The following ZFHX3 variants were observed in gnomAD, a reference collection of about 807,000 sequenced individuals.
ZFHX3 encodes zinc finger homeobox protein 3.
In ZFHX3, 42 loss-of-function variants were observed where a neutral mutation model predicts 279.1. The observed-to-expected ratio is 0.15, with a 90% CI of 0.12 to 0.19. ZFHX3 has a LOEUF of 0.19. Among genes scored for constraint, ZFHX3 ranks in the 10% least tolerant of loss-of-function variants. The pLI, the probability that ZFHX3 is intolerant of heterozygous loss-of-function variation, is 1.00. For synonymous variants in ZFHX3, 2,293 were observed against 1,957.8 expected (o/e 1.17, Z -4.52); for missense variants, 4,981 against 4,754.0 (o/e 1.05, Z -1.40).
intron 1 of ZFHX3, among the ~76,000 whole-genome samples, chr16:73,863,833 G>A (rs1439848199): frequency 6.6e-6 from 1 of 152,154 alleles, no homozygotes; most frequent in African/African-American, 2.4e-5. Flanking sequence ...AATGAAACAT[G>A]TTCTAATCCA....
intron 1 of ZFHX3, chr16:73,058,403 G>A (rs1012181828): frequency 4.3e-4 from 76 of 178,206 alleles, no homozygotes; most frequent in African/African-American, 1.7e-3. Context: ...GGGGCAGGAC[G>A]AGCCCCATGC....
intron 1 of ZFHX3, among the ~76,000 whole-genome samples, chr16:73,869,440 A>C (rs1962108332): frequency 6.6e-6 from 1 of 152,212 alleles, no homozygotes; most frequent in Non-Finnish European, 1.5e-5. Flanking sequence ...CTTCAAGCAA[A>C]AGTTACACAG....
intron 9 of ZFHX3, chr16:72,789,165 T>A: frequency 4.0e-6 from 1 of 248,536 alleles, no homozygotes; most frequent in Non-Finnish European, 7.6e-6. Flanking sequence ...GCTCCCATAC[T>A]TCCCCTTTCA....
At chr16:73,794,827 T>A (rs1381562365) in intron 1 of ZFHX3, among the ~76,000 whole-genome samples, 4 of 152,136 alleles carry the variant, frequency 2.6e-5, no homozygotes, top group African/African-American at 9.7e-5. Flanking sequence ...TGATCATACC[T>A]CCCCCATCCA....
At chr16:72,866,432 AT>A (rs944129754) in intron 4 of ZFHX3, among the ~76,000 whole-genome samples, 1 of 152,094 alleles carries the variant, frequency 6.6e-6, no homozygotes, top group Admixed American at 6.5e-5. Flanking sequence ...ACATGTAGAC[AT>A]TTTTTTGTGC....
At chr16:73,337,892 CGGG>C (rs71156156) in intron 3 of ZFHX3, among the ~76,000 whole-genome samples, 2 of 79,162 alleles carry the variant, frequency 2.5e-5, no homozygotes, top group African/African-American at 7.8e-5. Context: ...CTTCCCTTGG[CGGG>C]GGGGGGGGTC....
chr16:73,699,837 T>G (rs1335729339), intron 1 of ZFHX3, among the ~76,000 whole-genome samples: 1 of 152,268 alleles, frequency 6.6e-6, no homozygotes, highest in Non-Finnish European at 1.5e-5. Context: ...TGCCTCAAGT[T>G]TGGGAGACAG....
intron 1 of ZFHX3, among the ~76,000 whole-genome samples, chr16:73,764,190 A>T (rs2053902109): frequency 6.6e-6 from 1 of 152,202 alleles, no homozygotes; most frequent in African/African-American, 2.4e-5. Context: ...GGAGAGAGGT[A>T]CAGAGCTCTT....
intron 8 of ZFHX3, among the ~76,000 whole-genome samples, chr16:73,065,457 G>GT (rs1247040804): frequency 3.9e-5 from 6 of 152,022 alleles, no homozygotes; most frequent in South Asian, 2.1e-4. Flanking sequence ...TAAACGTGAG[G>GT]GTTTTTTTTT....
chr16:73,217,123 T>C (rs1338401138), intron 5 of ZFHX3, among the ~76,000 whole-genome samples: 2 of 152,226 alleles, frequency 1.3e-5, no homozygotes, highest in Non-Finnish European at 2.9e-5. Context: ...CTGTTTTCCC[T>C]GGGCTGTGAC....
intron 1 of ZFHX3, among the ~76,000 whole-genome samples, chr16:73,803,869 A>G (rs1960203154): frequency 6.6e-6 from 1 of 152,218 alleles, no homozygotes; most frequent in Non-Finnish European, 1.5e-5. Flanking sequence ...CCATCAAATT[A>G]CTAGAAACAG....
chr16:73,180,578 C>T (rs568447507), intron 5 of ZFHX3, among the ~76,000 whole-genome samples: 5 of 152,150 alleles, frequency 3.3e-5, no homozygotes, highest in Non-Finnish European at 7.3e-5. Context: ...CTCTGGGGTG[C>T]TCATGTTGGT....
At chr16:73,187,928 G>C (rs568652067) in intron 5 of ZFHX3, among the ~76,000 whole-genome samples, 17 of 151,308 alleles carry the variant, frequency 1.1e-4, no homozygotes, top group Non-Finnish European at 2.4e-4. Flanking sequence ...GCGTGATCTC[G>C]GCTCACTGCA....
chr16:72,890,496 G>GTT (rs113661748), intron 3 of ZFHX3, among the ~76,000 whole-genome samples: 9 of 142,020 alleles, frequency 6.3e-5, no homozygotes, highest in African/African-American at 7.6e-5. Flanking sequence ...TCCTTAGAGG[G>GTT]TTTTTTTTTT....
intron 4 of ZFHX3, among the ~76,000 whole-genome samples, chr16:73,269,733 T>C (rs1204617770): frequency 6.6e-6 from 1 of 152,008 alleles, no homozygotes; most frequent in African/African-American, 2.4e-5. Flanking sequence ...TTCCCATATA[T>C]TTTTCTTTTT....
At chr16:73,474,620 G>A (rs970055066) in intron 2 of ZFHX3, among the ~76,000 whole-genome samples, 5 of 152,132 alleles carry the variant, frequency 3.3e-5, no homozygotes, top group Admixed American at 3.3e-4. Flanking sequence ...AGCCCCCTGA[G>A]TTTTCTTTAG....
At chr16:73,890,598 T>C (rs1180852014) in intron 1 of ZFHX3, among the ~76,000 whole-genome samples, 1 of 152,226 alleles carries the variant, frequency 6.6e-6, no homozygotes, top group Non-Finnish European at 1.5e-5. Context: ...CTTCTTTTTC[T>C]CTTTTGCATA....
chr16:73,294,735 C>T (rs563302023), intron 4 of ZFHX3, among the ~76,000 whole-genome samples: 46 of 151,804 alleles, frequency 3.0e-4, no homozygotes, highest in African/African-American at 1.0e-3. Flanking sequence ...TCACTTGAAC[C>T]CGGGAGGCAG....
chr16:72,861,168 G>A (rs1296607308), intron 4 of ZFHX3, among the ~76,000 whole-genome samples: 2 of 152,174 alleles, frequency 1.3e-5, no homozygotes, highest in Non-Finnish European at 2.9e-5. Context: ...GGTACCAACT[G>A]TCCCCTACAG....
Sources: gnomAD v4.1 joint callset for allele counts (sites outside exome capture counted in the v4.1 genomes callset) on GRCh38, gnomAD v4.1.1 for gene constraint, MANE v1.5 for transcripts, NCBI Gene and HGNC (gene_info 2026-07-23, HGNC 2026-07-21) for gene names.